The following GAK variants were observed in gnomAD, a reference collection of about 807,000 sequenced individuals.
GAK encodes cyclin G associated kinase.
In GAK, 79 loss-of-function variants were observed where a neutral mutation model predicts 143.9. The observed-to-expected ratio is 0.55, with a 90% CI of 0.46 to 0.66. The LOEUF is 0.66. Ranked by LOEUF, GAK falls within the 30% of genes least tolerant of loss-of-function variation. The pLI is 0.00. For missense variants in GAK, 1,693 were observed against 1,779.7 expected, an observed-to-expected ratio of 0.95 and a Z score of 0.88; for synonymous variants, 881 against 765.5, an observed-to-expected ratio of 1.15 and a Z score of -2.49.
intron 11 of GAK, among the ~76,000 whole-genome samples, chr4:884,817 C>T (rs148656971): frequency 6.1e-4 from 93 of 152,326 alleles, no homozygotes; most frequent in African/African-American, 2.2e-3. Flanking sequence ...CTGCGGGGAC[C>T]AGAAAGGCTG....
intron 15 of GAK, among the ~76,000 whole-genome samples, chr4:881,390 A>C (rs1715073022): frequency 6.6e-6 from 1 of 152,166 alleles, no homozygotes; most frequent in Non-Finnish European, 1.5e-5. Flanking sequence ...TGCAGCCCCG[A>C]GAAACAGGGA....
rs192084765 is a variant in GAK at position 924,618 on chromosome 4, C to T, written c.145+7425G>A. Among the ~76,000 whole-genome samples, 240 of 144,048 alleles carry T rather than the reference C, an allele frequency of 1.7e-3. 1 individual carries two copies. Among genetic ancestry groups the T allele is most frequent in the Non-Finnish European group, 3.1e-3 (206 of 65,972 alleles). 94.5% of individuals were successfully genotyped at this position (144,048 alleles called of 152,430 possible). A position where few individuals can be genotyped will look rare whatever the true frequency, so the allele number is the denominator to read the frequency against. ...GCACATACGGTTTGGATCTGCGTCC[C>T]CATGCAAATCTCATGTTCACTTGTG... On this transcript the variant is annotated intron_variant, in intron 1 of 27. Transcript: ENST00000314167.
At chr4:900,820 G>A (rs1456504132) in intron 5 of GAK, among the ~76,000 whole-genome samples, 3 of 152,038 alleles carry the variant, frequency 2.0e-5, no homozygotes, top group Non-Finnish European at 4.4e-5. Flanking sequence ...GAAACAGAAG[G>A]AAGAGAGGGA....
At position 870,808 on chromosome 4, in the gene GAK, C is replaced by T. The variant is rs144509628; in HGVS notation, c.2151G>A (p.Arg717=). 342 of 1,614,104 alleles carry T rather than the reference C, an allele frequency of 2.1e-4. 3 individuals are homozygous for T. In the Middle Eastern group the frequency reaches 4.8e-3, roughly 23 times the overall value. The change falls in exon 19 of 28, where the codon CGG becomes CGA. Residue 717 remains arginine (R), a synonymous_variant. Transcript: ENST00000314167. ...VEVEPRDRPS[R]EAPPWENSSM... Reference sequence around the variant, plus strand: ...TCGAGTTCTCCCATGGTGGGGCTTCCCGGCTCGGCCTGTCCCTGGGCTCCA... The same window carrying T: ...TCGAGTTCTCCCATGGTGGGGCTTCTCGGCTCGGCCTGTCCCTGGGCTCCA...
Position 866,549 on chromosome 4 carries a change from G to A in GAK, c.2873-15C>T, listed in dbSNP as rs200611634. On this transcript the variant is annotated splice_polypyrimidine_tract_variant and intron_variant, in intron 21 of 27. Coordinates refer to ENST00000314167, the MANE Select transcript of GAK (RefSeq NM_005255.4). ...AAAGGGGTCAGCTGTGGGGACAGGC[G>A]GGCATGGGGAGGACTCAGCCCGGCT... is the stretch of plus-strand genomic sequence containing the variant. 129 of 1,611,120 alleles carry A rather than the reference G, an allele frequency of 8.0e-5. No individual in the cohort carries two copies. The African/African-American group carries it at 9.9e-4, about 12-fold the overall frequency.
intron 1 of GAK, among the ~76,000 whole-genome samples, chr4:914,460 C>T (rs1722677681): frequency 3.7e-5 from 4 of 106,798 alleles, no homozygotes; most frequent in South Asian, 4.1e-4. Context: ...CACACAGCCC[C>T]AGTGTGCACG....
At chr4:861,931 A>C (rs1750350424) in intron 23 of GAK, among the ~76,000 whole-genome samples, 1 of 152,266 alleles carries the variant, frequency 6.6e-6, no homozygotes, top group African/African-American at 2.4e-5. Context: ...CTGCAGAAGA[A>C]AAGTGAAGCC....
chr4:856,886 C>G (rs1357904982), intron 24 of GAK, among the ~76,000 whole-genome samples: 2 of 152,246 alleles, frequency 1.3e-5, no homozygotes, highest in African/African-American at 4.8e-5. Flanking sequence ...GGCTGTGGGT[C>G]TCTAGACATG....
chr4:918,544 C>G (rs756005321), intron 1 of GAK, among the ~76,000 whole-genome samples: 4 of 152,224 alleles, frequency 2.6e-5, no homozygotes, highest in Non-Finnish European at 5.9e-5. Context: ...AAAAATGCCC[C>G]AAAACTGACA....
chr4:911,432 G>A (rs1409236441), intron 4 of GAK, among the ~76,000 whole-genome samples: 1 of 152,226 alleles, frequency 6.6e-6, no homozygotes. Flanking sequence ...CTCTCTGGCT[G>A]CCCGCAGCTC....
chr4:865,076 C>T, intron 23 of GAK, 46 bp downstream of exon 23: 4 of 1,534,786 alleles, frequency 2.6e-6, no homozygotes, highest in Non-Finnish European at 3.5e-6. Flanking sequence ...CGGGCCACAG[C>T]AGCTGCACGT....
intron 1 of GAK, among the ~76,000 whole-genome samples, chr4:928,433 G>A (rs1188615637): frequency 4.6e-5 from 7 of 152,224 alleles, no homozygotes; most frequent in African/African-American, 1.7e-4. Context: ...GGGAGGCCTA[G>A]GCCAGGGGGA....
At chr4:907,255 C>T (rs1439923546) in intron 4 of GAK, among the ~76,000 whole-genome samples, 2 of 152,200 alleles carry the variant, frequency 1.3e-5, no homozygotes, top group Non-Finnish European at 1.5e-5. Context: ...AGCTGAGGGG[C>T]CCTCCCACTC....
At position 849,957 on chromosome 4, in the gene GAK, G is replaced by A. The variant is rs754464199; in HGVS notation, c.3769C>T (p.Leu1257=). The A allele has an allele frequency of 2.5e-5, 41 of 1,611,622 alleles. No homozygotes were observed. Among genetic ancestry groups the A allele is most frequent in the Non-Finnish European group, 3.4e-5 (40 of 1,179,374 alleles). Residue 1257 remains leucine, a synonymous_variant, in exon 27 of 28, where the codon CTG becomes TTG. Coordinates refer to ENST00000314167, the MANE Select transcript of GAK (RefSeq NM_005255.4). The stretch of plus-strand genomic sequence containing the variant: ...TTCTTCACTTGCTCCGGAGCCACCA[G>A]GTCGGCCATGCCCACGGGCGTCCAG... The part of the protein sequence containing the change: ...SRWTPVGMAD[L]VAPEQVKKHY...
intron 10 of GAK, among the ~76,000 whole-genome samples, chr4:889,862 C>A (rs1444364865): frequency 6.6e-6 from 1 of 152,226 alleles, no homozygotes; most frequent in Non-Finnish European, 1.5e-5. Flanking sequence ...AGGGCCCTCT[C>A]CACTCCTCAC....
intron 15 of GAK, among the ~76,000 whole-genome samples, chr4:880,037 C>T (rs1388379201): frequency 2.6e-5 from 4 of 151,690 alleles, no homozygotes; most frequent in African/African-American, 4.8e-5. Flanking sequence ...ACAGCTCTGA[C>T]GAATGCCCCA....
At chr4:905,406 C>T (rs1720874437) in intron 4 of GAK, among the ~76,000 whole-genome samples, 1 of 152,208 alleles carries the variant, frequency 6.6e-6, no homozygotes. Context: ...CTCTGCCCTC[C>T]CTGGCCCCAG....
chr4:907,611 G>A (rs1324912338), intron 4 of GAK, among the ~76,000 whole-genome samples: 1 of 152,230 alleles, frequency 6.6e-6, no homozygotes, highest in South Asian at 2.1e-4. Context: ...TGGCTGAGTG[G>A]GGAACCGGTA....
chr4:876,771 C>G (rs575700162), intron 17 of GAK, among the ~76,000 whole-genome samples, 162 bp from the exon 18 acceptor site: 2 of 152,334 alleles, frequency 1.3e-5, no homozygotes, highest in African/African-American at 4.8e-5. Flanking sequence ...GGGAGAGGGT[C>G]TGTGTGTGGC....
Sources: allele counts gnomAD v4.1 joint callset (sites outside exome capture counted in the v4.1 genomes callset), GRCh38; gene constraint gnomAD v4.1.1; transcripts MANE v1.5; gene names NCBI Gene and HGNC (gene_info 2026-07-23, HGNC 2026-07-21).